MAN1C1: variants seen among roughly 807,000 people sequenced by gnomAD.
MAN1C1 encodes mannosyl-oligosaccharide 1,2-alpha-mannosidase IC.
A neutral mutation model predicts 71.5 loss-of-function variants in MAN1C1; 49 were observed. The ratio of observed to expected loss-of-function variants is 0.69; its 90% CI spans 0.54 to 0.87. The LOEUF is 0.87. Among genes scored for constraint, MAN1C1 ranks in the 40% least tolerant of loss-of-function variants. MAN1C1 has a pLI of 0.00. For synonymous variants in MAN1C1, 352 were observed against 343.7 expected (o/e 1.02, Z -0.27); for missense variants, 743 against 835.0 (o/e 0.89, Z 1.36).
chr1:25,720,047 G>A (rs2046742553), intron 2 of MAN1C1, among the ~76,000 whole-genome samples: 1 of 152,076 alleles, frequency 6.6e-6, no homozygotes, highest in South Asian at 2.1e-4. Flanking sequence ...GCCTCCCAGA[G>A]TGCTGGGATT....
chr1:25,768,303 T>C (rs1240553650), intron 7 of MAN1C1, among the ~76,000 whole-genome samples: 229 of 4,588 alleles, frequency 0.05, no homozygotes, highest in Non-Finnish European at 0.06. Flanking sequence ...ACACACGCAT[T>C]ACACACTCCC....
At chr1:25,736,453 G>T (rs1263512799) in intron 2 of MAN1C1, among the ~76,000 whole-genome samples, 2 of 152,130 alleles carry the variant, frequency 1.3e-5, no homozygotes, top group Non-Finnish European at 2.9e-5. Context: ...GTGTATGGGG[G>T]TTCTTTATAT....
chr1:25,767,713 AT>A (rs2047459553), intron 7 of MAN1C1, among the ~76,000 whole-genome samples: 1 of 22,862 alleles, frequency 4.4e-5, no homozygotes, highest in Non-Finnish European at 8.5e-5. Context: ...TCACACATAC[AT>A]TACACACTCC....
At chr1:25,654,232 C>G (rs932893453) in intron 1 of MAN1C1, 7 of 152,246 alleles carry the variant, frequency 4.6e-5, no homozygotes, top group Non-Finnish European at 7.3e-5. Flanking sequence ...CCTTGGCTTT[C>G]ATTTCTTAGA....
At chr1:25,724,633 C>T (rs2046810094) in intron 2 of MAN1C1, among the ~76,000 whole-genome samples, 1 of 152,170 alleles carries the variant, frequency 6.6e-6, no homozygotes, top group African/African-American at 2.4e-5. Context: ...GTGCAAAGGA[C>T]ATGAATGCAG....
chr1:25,698,237 G>A (rs2046392373), intron 2 of MAN1C1, among the ~76,000 whole-genome samples: 1 of 152,212 alleles, frequency 6.6e-6, no homozygotes, highest in Non-Finnish European at 1.5e-5. Flanking sequence ...AGCTTCTCCA[G>A]TTTGGTACCA....
chr1:25,763,666 C>T (rs1320758348), intron 6 of MAN1C1: 2 of 569,324 alleles, frequency 3.5e-6, no homozygotes, highest in Non-Finnish European at 6.3e-6. Flanking sequence ...TGGATCAGGC[C>T]CTGTCACACC....
At chr1:25,719,195 C>T (rs960313983) in intron 2 of MAN1C1, among the ~76,000 whole-genome samples, 1 of 149,826 alleles carries the variant, frequency 6.7e-6, no homozygotes, top group Non-Finnish European at 1.5e-5. Context: ...GCCTCAGCCT[C>T]CCGAGTAGCT....
At chr1:25,702,926 ACT>A (rs2046466083) in intron 2 of MAN1C1, among the ~76,000 whole-genome samples, 1 of 152,114 alleles carries the variant, frequency 6.6e-6, no homozygotes, top group African/African-American at 2.4e-5. Flanking sequence ...TGGGACTCAG[ACT>A]CTGTGAATTG....
intron 1 of MAN1C1, among the ~76,000 whole-genome samples, chr1:25,621,665 C>T (rs886650432): frequency 6.6e-5 from 10 of 151,578 alleles, no homozygotes; most frequent in African/African-American, 1.9e-4. Context: ...GCTCTGTCGT[C>T]GAGGCTGCAG....
chr1:25,782,493 C>A lies in MAN1C1; in HGVS notation c.1651-92C>A. ...GGGTGGGGGTGCTGTCTGCTTTCTT[C>A]TAGCTCCAGCCTGCCAGGCATGCAC... On this transcript the variant is annotated intron_variant, in intron 10 of 11. Coordinates refer to ENST00000374332, the MANE Select transcript of MAN1C1 (RefSeq NM_020379.4). This position sits in a 1 kb window ranked among gnomAD's most constrained non-coding sequence, Gnocchi z 4.4. 1 of 808,090 alleles carries A rather than the reference C, an allele frequency of 1.2e-6. No individual in the cohort carries two copies. The highest frequency in any genetic ancestry group is 2.1e-6 in the Non-Finnish European group (1 of 477,274). 50.1% of individuals were successfully genotyped at this position (808,090 alleles called of 1,614,324 possible).
chr1:25,618,442 C>G, intron 1 of MAN1C1, 105 bp downstream of exon 1: 1 of 1,153,822 alleles, frequency 8.7e-7, no homozygotes, highest in Non-Finnish European at 1.2e-6. Context: ...CTCCTGGTCC[C>G]AGGTCTACTT....
intron 2 of MAN1C1, among the ~76,000 whole-genome samples, chr1:25,744,524 G>A (rs1402187458): frequency 2.6e-5 from 4 of 151,866 alleles, no homozygotes; most frequent in African/African-American, 9.7e-5. Flanking sequence ...CCCATCCCAG[G>A]ACACAGGGCT....
chr1:25,626,364 CT>C (rs1032347283), intron 1 of MAN1C1, among the ~76,000 whole-genome samples: 172 of 144,454 alleles, frequency 1.2e-3, no homozygotes, highest in Admixed American at 1.2e-3. Flanking sequence ...TTCTTTCTTT[CT>C]TTTTTTTTTT....
chr1:25,772,838 C>G (rs1278197200), intron 8 of MAN1C1, among the ~76,000 whole-genome samples: 2 of 152,184 alleles, frequency 1.3e-5, no homozygotes, highest in Non-Finnish European at 2.9e-5. Context: ...TCTCTGGGCC[C>G]TGGGCACCAG....
At chr1:25,697,162 A>G (rs1439812056) in intron 2 of MAN1C1, among the ~76,000 whole-genome samples, 2 of 152,034 alleles carry the variant, frequency 1.3e-5, no homozygotes, top group African/African-American at 2.4e-5. Flanking sequence ...CCTGTACTCA[A>G]TGGCAGTTAC....
At position 25,782,799 on chromosome 1, in the gene MAN1C1, A is replaced by T; in HGVS notation, c.1766+99A>T. The T allele has an allele frequency of 1.1e-6, 1 of 912,192 alleles. No individual in the cohort carries two copies. Among genetic ancestry groups the T allele is most frequent in the Non-Finnish European group, 1.8e-6 (1 of 571,258 alleles). The allele number at this position is 912,192 out of a possible 1,614,324, so 56.5% of individuals were successfully genotyped here. The stretch of plus-strand genomic sequence containing the variant: ...CACAGTCAGGTTCTGTGGTCACAGG[A>T]CGGGAGCCCAAAAGGGGTGAAGGGC... On this transcript the variant is annotated intron_variant, in intron 11 of 11. Transcript: ENST00000374332. This position sits in a 1 kb window ranked among gnomAD's most constrained non-coding sequence, Gnocchi z 4.4.
At chr1:25,739,394 G>A (rs955001315) in intron 2 of MAN1C1, among the ~76,000 whole-genome samples, 1 of 152,216 alleles carries the variant, frequency 6.6e-6, no homozygotes, top group Non-Finnish European at 1.5e-5. Context: ...AAAAGTCTGT[G>A]CATTGTCTCA....
rs768452032 is a variant in MAN1C1 at position 25,758,706 on chromosome 1, A to G, written c.1044A>G (p.Glu348=). The part of the protein sequence containing the change: ...TELSGNQVFA[E]KVRNIRKVLR... ...TCTCTGGCAACCAGGTCTTCGCTGA[A>G]AAGGCAAGTCTCCTCCCCACCCTTC... The change falls in exon 6 of 12, where the codon GAA becomes GAG. Residue 348 remains glutamate, a synonymous_variant. Coordinates refer to ENST00000374332, the MANE Select transcript of MAN1C1 (RefSeq NM_020379.4). 1.2e-6 allele frequency: 2 copies of G among 1,612,938 alleles called. No homozygotes were observed. The highest frequency in any genetic ancestry group is 3.3e-5 in the Admixed American group (2 of 60,020).
Sources: allele counts gnomAD v4.1 joint callset (sites outside exome capture counted in the v4.1 genomes callset), GRCh38; gene constraint gnomAD v4.1.1; non-coding constraint Gnocchi (gnomAD v3.1); transcripts MANE v1.5; gene names NCBI Gene and HGNC (gene_info 2026-07-23, HGNC 2026-07-21).